DMP1: variants seen among roughly 807,000 people sequenced by gnomAD.
DMP1 encodes dentin matrix protein 1.
A neutral mutation model predicts 14.6 loss-of-function variants in DMP1; 20 were observed. That is an observed-to-expected ratio of 1.37 (90% CI 0.96 to 1.99). The LOEUF (loss-of-function observed/expected upper bound fraction) is 1.99, where lower values mean the gene tolerates loss of function less well. Ranked by LOEUF, DMP1 falls within the 30% of genes most tolerant of loss-of-function variation. DMP1 has a pLI of 0.00. For synonymous variants in DMP1, 197 were observed against 215.3 expected (o/e 0.91, Z 0.75); for missense variants, 567 against 620.5 (o/e 0.91, Z 0.92).
intron 1 of DMP1, among the ~76,000 whole-genome samples, chr4:87,653,814 T>C (rs141876150): frequency 1.3e-5 from 2 of 152,184 alleles, no homozygotes; most frequent in East Asian, 1.9e-4. Context: ...AAGGGAAAAC[T>C]TCCCCCTCAC....
chr4:87,663,076 T>C lies in DMP1; in HGVS notation c.1298T>C (p.Leu433Pro). The change falls in exon 6 of 6, where the codon CTC becomes CCC. Residue 433 changes from leucine to proline, a missense_variant. By Grantham distance (98) the Leu-to-Pro change is moderately conservative. Coordinates refer to ENST00000339673, the MANE Select transcript of DMP1 (RefSeq NM_004407.4). ...GAGAACAGCTCCAGCCAGGAGGGCC[T>C]CCAGTCTCACAGCAGCTCAGCAGAG... ...EDENSSSQEG[L>P]QSHSSSAESQ... 6.2e-7 allele frequency: 1 copy of C among 1,614,096 alleles called. No homozygotes were observed. Among genetic ancestry groups the C allele is most frequent in the South Asian group, 1.1e-5 (1 of 91,086 alleles).
At chr4:87,654,058 G>A (rs993648428) in intron 1 of DMP1, among the ~76,000 whole-genome samples, 6 of 152,276 alleles carry the variant, frequency 3.9e-5, no homozygotes, top group South Asian at 2.1e-4. Flanking sequence ...GCCCAGCAAA[G>A]CCTGTCCAGA....
rs70957272 is a variant in DMP1 at position 87,661,204 on chromosome 4, A to ATTTTT, written c.184-726_184-722dup. On this transcript the variant is annotated intron_variant, in intron 5 of 5. Transcript: ENST00000339673. ...AGGTTTGTGGCACCACAGCCAGCTA[A>ATTTTT]TTTTTTTTTTTTTTTTTTTTTTTTT... Among the ~76,000 whole-genome samples, 187 of 66,648 alleles carry ATTTTT rather than the reference A, an allele frequency of 2.8e-3. 34 individuals are homozygous for ATTTTT. The highest frequency in any genetic ancestry group is 3.6e-3 in the Non-Finnish European group (129 of 35,504). The allele number at this position is 66,648 out of a possible 152,430, so 43.7% of individuals were successfully genotyped here.
chr4:87,659,855 C>T (rs1728808708), intron 5 of DMP1, among the ~76,000 whole-genome samples: 1 of 152,102 alleles, frequency 6.6e-6, no homozygotes, highest in Admixed American at 6.5e-5. Context: ...TGAAGAAGTG[C>T]CTGGGAGCTT....
intron 5 of DMP1, among the ~76,000 whole-genome samples, chr4:87,661,673 T>C (rs999298762): frequency 1.1e-4 from 17 of 150,918 alleles, no homozygotes; most frequent in Non-Finnish European, 2.4e-4. Context: ...TAAGGAATTA[T>C]ATATACAGTA....
At chr4:87,659,720 T>G (rs188415499) in intron 5 of DMP1, among the ~76,000 whole-genome samples, 3 of 152,324 alleles carry the variant, frequency 2.0e-5, no homozygotes, top group African/African-American at 7.2e-5. Context: ...CAAATGTCTC[T>G]CCTAGTTAAA....
At chr4:87,655,866 G>A (rs185876178) in intron 1 of DMP1, among the ~76,000 whole-genome samples, 13 of 152,150 alleles carry the variant, frequency 8.5e-5, no homozygotes, top group South Asian at 8.3e-4. Context: ...TTACTTTTTC[G>A]TCAATTTATC....
rs34488194 is a variant in DMP1 at position 87,664,065 on chromosome 4, ATT to A, written c.*757_*758del. ...CTCCCAATTAATTTACCAATTCATCATTTTTTTTTTTTTGTAGAACTCCCATA... is the reference window on the plus strand; with the variant it reads ...CTCCCAATTAATTTACCAATTCATCATTTTTTTTTTTGTAGAACTCCCATA... On this transcript the variant is annotated 3_prime_UTR_variant, in exon 6 of 6. Coordinates refer to ENST00000339673, the MANE Select transcript of DMP1 (RefSeq NM_004407.4). 0.3 allele frequency: 45,151 copies of A among 149,158 alleles called. 7,118 individuals are homozygous for A. Among genetic ancestry groups the A allele is most frequent in the African/African-American group, 0.41 (16,545 of 40,728 alleles). The allele number at this position is 149,158 out of a possible 1,614,324, so 9.2% of individuals were successfully genotyped here. A position where few individuals can be genotyped will look rare whatever the true frequency, so the allele number is the denominator to read the frequency against.
Position 87,662,775 on chromosome 4 carries a change from G to A in DMP1, c.997G>A (p.Val333Ile), listed in dbSNP as rs147275271. ...TCTGTCCCAGGAAGAGAGCCAAAACGTAGATGGTCCCAGCAGTGAGTCCAG... is the reference window on the plus strand; with the variant it reads ...TCTGTCCCAGGAAGAGAGCCAAAACATAGATGGTCCCAGCAGTGAGTCCAG... ...ENLSQEESQN[V>I]DGPSSESSQE... The change falls in exon 6 of 6, where the codon GTA becomes ATA. Residue 333 changes from valine (V) to isoleucine (I), a missense_variant. Physicochemically the swap from Val to Ile is conservative, Grantham distance 29 (BLOSUM62 3). Transcript: ENST00000339673. 229 of 1,613,736 alleles carry A rather than the reference G, an allele frequency of 1.4e-4. 2 individuals are homozygous for A. The Middle Eastern group carries it at 2.3e-3, about 16-fold the overall frequency.
chr4:87,657,638 C>T (rs1314253305), intron 3 of DMP1, among the ~76,000 whole-genome samples: 1 of 152,178 alleles, frequency 6.6e-6, no homozygotes, highest in African/African-American at 2.4e-5. Context: ...AAACTGATCA[C>T]AGAGAGTAAT....
Position 87,662,117 on chromosome 4 carries a change from C to G in DMP1, c.339C>G (p.Thr113=). 6.2e-7 allele frequency: 1 copy of G among 1,614,150 alleles called. No individual in the cohort carries two copies. Among genetic ancestry groups the G allele is most frequent in the Non-Finnish European group, 8.5e-7 (1 of 1,180,032 alleles). The change falls in exon 6 of 6, where the codon ACC becomes ACG. Residue 113 remains threonine (T), a synonymous_variant. Transcript: ENST00000339673. ...ATGAAGATGACAGTGGAGATGACAC[C>G]TTTGGTGACGATGACAGTGGCCCAG... is the stretch of plus-strand genomic sequence containing the variant. ...DDDEDDSGDD[T]FGDDDSGPGP... is the part of the protein sequence containing the mutation.
Position 87,663,484 on chromosome 4 carries a change from T to C in DMP1, c.*164T>C. ...CATTACACTTGTTTTTAGGGTGTCA[T>C]CATTTCACAGAGGTTTAAATACTGT... On this transcript the variant is annotated 3_prime_UTR_variant, in exon 6 of 6. Coordinates refer to ENST00000339673, the MANE Select transcript of DMP1 (RefSeq NM_004407.4). The C allele has an allele frequency of 9.7e-7, 1 of 1,028,144 alleles. No homozygotes were observed. The highest frequency in any genetic ancestry group is 2.6e-5 in the East Asian group (1 of 38,858). The allele number at this position is 1,028,144 out of a possible 1,614,324, so 63.7% of individuals were successfully genotyped here.
intron 4 of DMP1, 82 bp downstream of exon 4, chr4:87,659,334 A>C: frequency 1.3e-6 from 2 of 1,599,502 alleles, no homozygotes; most frequent in South Asian, 1.1e-5. Context: ...CAATTTTGAA[A>C]GTAGTAAATC....
intron 1 of DMP1, among the ~76,000 whole-genome samples, chr4:87,653,679 A>G (rs1003782818): frequency 6.6e-6 from 1 of 151,868 alleles, no homozygotes; most frequent in Non-Finnish European, 1.5e-5. Flanking sequence ...ACCCAAGTGA[A>G]TGGATTTATT....
At chr4:87,658,353 G>A (rs1475908415) in intron 3 of DMP1, among the ~76,000 whole-genome samples, 1 of 152,242 alleles carries the variant, frequency 6.6e-6, no homozygotes, top group Non-Finnish European at 1.5e-5. Flanking sequence ...TCAAGGGGAA[G>A]GGGAAGAAGT....
chr4:87,661,203 A>ATTTTTT (rs1728857379), intron 5 of DMP1, among the ~76,000 whole-genome samples: 1 of 82,238 alleles, frequency 1.2e-5, no homozygotes, highest in African/African-American at 5.4e-5. Context: ...ACAGCCAGCT[A>ATTTTTT]ATTTTTTTTT....
At chr4:87,651,122 A>G (rs1405737497) in intron 1 of DMP1, among the ~76,000 whole-genome samples, 1 of 152,162 alleles carries the variant, frequency 6.6e-6, no homozygotes, top group Non-Finnish European at 1.5e-5. Context: ...TGTTTTAGCA[A>G]CTTGTCTTCC....
chr4:87,658,963 A>G (rs572673118), intron 3 of DMP1: 58 of 535,174 alleles, frequency 1.1e-4, no homozygotes, highest in Non-Finnish European at 1.8e-4. Context: ...TCAAAAAAGC[A>G]TATTTATTTC....
At chr4:87,655,525 G>A (rs1184186603) in intron 1 of DMP1, among the ~76,000 whole-genome samples, 3 of 151,046 alleles carry the variant, frequency 2.0e-5, no homozygotes, top group South Asian at 2.1e-4. Flanking sequence ...ATGACTAAAC[G>A]TGTCACAGTA....
Sources: gnomAD v4.1 joint callset for allele counts (sites outside exome capture counted in the v4.1 genomes callset) on GRCh38, gnomAD v4.1.1 for gene constraint, MANE v1.5 for transcripts, NCBI Gene and HGNC (gene_info 2026-07-23, HGNC 2026-07-21) for gene names.